ACSS1: variants seen among roughly 807,000 people sequenced by gnomAD.
The protein encoded by ACSS1 is acyl-CoA synthetase short chain family member 1.
Under a neutral mutation model 75.3 loss-of-function variants are expected in ACSS1, and 42 were observed. That is an observed-to-expected ratio of 0.56 (90% CI 0.44 to 0.72). ACSS1 has a LOEUF of 0.72. Among genes scored for constraint, ACSS1 ranks in the 30% least tolerant of loss-of-function variants. The pLI, the probability that ACSS1 is intolerant of heterozygous loss-of-function variation, is 0.00. For missense variants in ACSS1, 782 were observed against 935.7 expected (o/e 0.84, Z 2.14); for synonymous variants, 380 against 376.8 (o/e 1.01, Z -0.10).
intron 1 of ACSS1, among the ~76,000 whole-genome samples, chr20:25,049,706 C>T (rs1229500647): frequency 6.6e-6 from 1 of 152,096 alleles, no homozygotes; most frequent in Non-Finnish European, 1.5e-5. Flanking sequence ...AGACAGCGCC[C>T]GCACCACCAG....
At chr20:25,008,078 AC>A in intron 13 of ACSS1, 137 bp from the exon 14 acceptor site, 1 of 1,151,904 alleles carries the variant, frequency 8.7e-7, no homozygotes, top group Non-Finnish European at 1.2e-6. Flanking sequence ...CTAAGCCTCC[AC>A]CCCAGAGAAC....
chr20:25,043,100 G>T (rs1330794588), intron 2 of ACSS1, among the ~76,000 whole-genome samples: 1 of 152,076 alleles, frequency 6.6e-6, no homozygotes, highest in Admixed American at 6.5e-5. Context: ...GCAGGGCACA[G>T]CCTCCCGCCT....
At chr20:25,040,917 C>T (rs1274327399) in intron 2 of ACSS1, among the ~76,000 whole-genome samples, 1 of 152,212 alleles carries the variant, frequency 6.6e-6, no homozygotes, top group Non-Finnish European at 1.5e-5. Flanking sequence ...GATTTCATTC[C>T]TTTTATTGAA....
At chr20:25,055,337 C>T (rs1379570042) in intron 1 of ACSS1, among the ~76,000 whole-genome samples, 3 of 152,166 alleles carry the variant, frequency 2.0e-5, no homozygotes, top group African/African-American at 4.8e-5. Context: ...GATGAGGAAA[C>T]ATGCAAAGTA....
chr20:25,047,085 G>A (rs892880133), intron 2 of ACSS1, among the ~76,000 whole-genome samples: 13 of 152,214 alleles, frequency 8.5e-5, no homozygotes, highest in African/African-American at 2.9e-4. Flanking sequence ...CATGAGCACG[G>A]TTTTAGCAGG....
rs1468767306 is a variant in ACSS1, at chr20:25,021,616, T to C, written c.961-80A>G. The C allele has an allele frequency of 3.2e-6, 5 of 1,545,936 alleles. No homozygotes were observed. The East Asian group carries it at 6.8e-5, about 21-fold the overall frequency. On this transcript the variant is annotated intron_variant, in intron 5 of 13. Coordinates refer to ENST00000323482, the MANE Select transcript of ACSS1 (RefSeq NM_032501.4). ...ACACCAGGTCACTAGGAAATAGGCATGCATAGGCTGCAGTCCATAGCTGTG... is the reference window on the plus strand; with the variant it reads ...ACACCAGGTCACTAGGAAATAGGCACGCATAGGCTGCAGTCCATAGCTGTG...
In ACSS1 at chr20:25,007,391, G is replaced by A. The variant is rs760112199; in HGVS notation, c.*371C>T. The A allele has an allele frequency of 1.2e-5, 13 of 1,104,330 alleles. No homozygotes were observed. The highest frequency in any genetic ancestry group is 1.3e-5 in the Non-Finnish European group (12 of 904,910). The allele number at this position is 1,104,330 out of a possible 1,614,324, so 68.4% of individuals were successfully genotyped here. A position where few individuals can be genotyped will look rare whatever the true frequency, so the allele number is the denominator to read the frequency against. ...TCTAGACAGATCTGGAGAAAACACG[G>A]TTGCTACTAGCTAACTAGCTCTGTG... On this transcript the variant is annotated 3_prime_UTR_variant, in exon 14 of 14. Coordinates refer to ENST00000323482, the MANE Select transcript of ACSS1 (RefSeq NM_032501.4).
In ACSS1 at chr20:25,021,484, C is replaced by T. The variant is rs1349238257; in HGVS notation, c.1013G>A (p.Gly338Asp). 6.2e-7 allele frequency: 1 copy of T among 1,614,250 alleles called. No homozygotes were observed. Among genetic ancestry groups the T allele is most frequent in the East Asian group, 2.2e-5 (1 of 44,886 alleles). Residue 338 changes from glycine (G) to aspartate (D), a missense_variant, in exon 6 of 14, where the codon GGT (glycine) becomes GAT (aspartate). Around this residue, in one of 2 missense-constraint regions of ACSS1, gnomAD observed 405 missense variants for 552.6 expected, o/e 0.73. Transcript: ENST00000323482. ...GDIFGCVADI[G>D]WITGHSYVVY... ...CACGTAGCTGTGTCCTGTAATCCAA[C>T]CGATGTCGGCCACACAGCCAAAGAT...
intron 1 of ACSS1, among the ~76,000 whole-genome samples, chr20:25,056,511 A>G (rs896657808): frequency 1.3e-5 from 2 of 152,194 alleles, no homozygotes; most frequent in Non-Finnish European, 2.9e-5. Context: ...GCAAGACACT[A>G]TCTATAATTG....
chr20:25,020,014 C>A lies in ACSS1; in HGVS notation c.1242G>T (p.Gly414=). 1 of 1,614,168 alleles carries A rather than the reference C, an allele frequency of 6.2e-7. No homozygotes were observed. The highest frequency in any genetic ancestry group is 8.5e-7 in the Non-Finnish European group (1 of 1,180,034). The part of the protein sequence containing the change: ...KYDRSSLRTL[G]SVGEPINCEA... ...GCTGCAGGGCAGGCCGCTCACCTGA[C>A]CCCAGGGTCCGCAGGGAGGAGCGAT... Residue 414 remains glycine (G), a synonymous_variant, in exon 7 of 14, where the codon GGG becomes GGT. Coordinates refer to ENST00000323482, the MANE Select transcript of ACSS1 (RefSeq NM_032501.4).
At chr20:25,031,681 C>T (rs778151477) in intron 2 of ACSS1, among the ~76,000 whole-genome samples, 5 of 152,288 alleles carry the variant, frequency 3.3e-5, no homozygotes, top group Admixed American at 6.5e-5. Flanking sequence ...CTCTGCCACT[C>T]GCCTTGGATT....
chr20:25,030,506 A>C (rs2088802722), intron 3 of ACSS1, among the ~76,000 whole-genome samples: 2 of 151,814 alleles, frequency 1.3e-5, no homozygotes, highest in African/African-American at 4.8e-5. Flanking sequence ...CTCCTCCTCC[A>C]CTTGGCCTGT....
At chr20:25,028,358 T>C (rs1229489296) in intron 3 of ACSS1, among the ~76,000 whole-genome samples, 1 of 152,164 alleles carries the variant, frequency 6.6e-6, no homozygotes, top group African/African-American at 2.4e-5. Flanking sequence ...TTTTAAAACT[T>C]ACAAAGCTAC....
rs771063965 is a variant in ACSS1 at position 25,057,880 on chromosome 20, G to A, written c.223C>T (p.Pro75Ser). The A allele has an allele frequency of 6.2e-7, 1 of 1,612,538 alleles. No homozygotes were observed. Among genetic ancestry groups the A allele is most frequent in the South Asian group, 1.1e-5 (1 of 90,986 alleles). ...CACACGAGAGTGTCCCGCGCCAGAG[G>A]CCCCCAGAAGGCGGCCGGCTCCCGG... ...AAREPAAFWG[P>S]LARDTLVWDT... The change falls in exon 1 of 14, where the codon CCT becomes TCT. Residue 75 changes from proline (P) to serine (S), a missense_variant. Coordinates refer to ENST00000323482, the MANE Select transcript of ACSS1 (RefSeq NM_032501.4).
chr20:25,013,774 C>T, intron 9 of ACSS1, 112 bp from the exon 10 acceptor site: 1 of 1,449,940 alleles, frequency 6.9e-7, no homozygotes, highest in Non-Finnish European at 9.2e-7. Context: ...CCCTCTGCCC[C>T]TGAGGAGGGC....
Position 25,057,828 on chromosome 20 carries a change from T to C in ACSS1, c.275A>G (p.Asp92Gly), listed in dbSNP as rs1568854320. 1 of 1,609,544 alleles carries C rather than the reference T, an allele frequency of 6.2e-7. No homozygotes were observed. Among genetic ancestry groups the C allele is most frequent in the Non-Finnish European group, 8.5e-7 (1 of 1,177,480 alleles). ...VWDTPYHTVWDCDFSTGKIGW... is the reference protein window; with the variant it reads ...VWDTPYHTVWGCDFSTGKIGW... ...GATCTTGCCAGTGCTGAAGTCGCAG[T>C]CCCAGACGGTGTGGTAGGGGGTGTC... Residue 92 changes from aspartate (D) to glycine (G), a missense_variant, in exon 1 of 14, where the codon GAC becomes GGC. Transcript: ENST00000323482.
intron 5 of ACSS1, among the ~76,000 whole-genome samples, chr20:25,021,857 C>G (rs919117516): frequency 2.6e-5 from 4 of 152,178 alleles, no homozygotes; most frequent in Non-Finnish European, 5.9e-5. Context: ...GACAGACATC[C>G]GAATCCCCTT....
At position 25,018,388 on chromosome 20, in the gene ACSS1, T is replaced by C. The variant is rs372268576; in HGVS notation, c.1246+1622A>G. On this transcript the variant is annotated intron_variant, in intron 7 of 13. Coordinates refer to ENST00000323482, the MANE Select transcript of ACSS1 (RefSeq NM_032501.4). ...AATCACCCAGTTTCAGGGTATTCTA[T>C]TACAGCAGCACAAAGCAAACTAAGA... Among the ~76,000 whole-genome samples, 37 of 152,334 alleles carry C rather than the reference T, an allele frequency of 2.4e-4. 1 individual carries two copies. The highest frequency in any genetic ancestry group is 8.9e-4 in the African/African-American group (37 of 41,576).
intron 2 of ACSS1, among the ~76,000 whole-genome samples, chr20:25,036,808 T>C (rs1411624752): frequency 6.6e-6 from 1 of 151,664 alleles, no homozygotes; most frequent in Admixed American, 6.6e-5. Flanking sequence ...ATACAGAAAT[T>C]AGCCAGGCGT....
Sources: allele counts gnomAD v4.1 joint callset (sites outside exome capture counted in the v4.1 genomes callset), GRCh38; gene constraint gnomAD v4.1.1; regional missense constraint gnomAD v4.1.1; transcripts MANE v1.5; gene names NCBI Gene and HGNC (gene_info 2026-07-23, HGNC 2026-07-21).